Variants in LZTR1 observed in about 807,000 individuals in gnomAD.
LZTR1 encodes the protein leucine zipper like post translational regulator 1, also known as leucine-zipper-like transcriptional regulator 1.
A neutral mutation model predicts 105.7 loss-of-function variants in LZTR1; 260 were observed. That is an observed-to-expected ratio of 2.46 (90% CI 2.22 to 2.72). LZTR1 has a LOEUF of 2.72. Among genes scored for constraint, LZTR1 ranks in the 30% most tolerant of loss-of-function variants. The pLI is 0.00. For missense variants in LZTR1, 1,214 were observed against 1,166.9 expected (o/e 1.04, Z -0.59); for synonymous variants, 490 against 476.4 (o/e 1.03, Z -0.37).
At position 20,992,247 on chromosome 22, in the gene LZTR1, G is replaced by A; in HGVS notation, c.1027G>A (p.Ala343Thr). The change falls in exon 10 of 21, where the codon GCT (alanine) becomes ACT (threonine). Residue 343 changes from alanine (A) to threonine (T), a missense_variant. Physicochemically the swap from Ala to Thr is moderately conservative, Grantham distance 58 (BLOSUM62 0). Coordinates refer to ENST00000646124, the MANE Select transcript of LZTR1 (RefSeq NM_006767.4). Reference protein sequence around the residue: ...GGAEVPERACASEEVPTLTYE... With the variant: ...GGAEVPERACTSEEVPTLTYE... ...GGCTGAAGTGCCCGAGCGAGCCTGT[G>A]CTTCCGAGGAGGTGCCCACCCTGAC... 2 of 1,613,966 alleles carry A rather than the reference G, an allele frequency of 1.2e-6. No homozygotes were observed. Among genetic ancestry groups the A allele is most frequent in the Non-Finnish European group, 1.7e-6 (2 of 1,179,970 alleles).
In LZTR1 at chr22:20,996,112, T is replaced by TA; in HGVS notation, c.2219_2219+1insA (p.Tyr741LeufsTer41). 1 of 1,611,802 alleles carries TA rather than the reference T, an allele frequency of 6.2e-7. No individual in the cohort carries two copies. The highest frequency in any genetic ancestry group is 8.5e-7 in the Non-Finnish European group (1 of 1,179,752). On this transcript the variant is annotated frameshift_variant and splice_region_variant. Transcript: ENST00000646124. LOFTEE classifies it high-confidence loss of function. Reference sequence around the variant, plus strand: ...GTCAACATGCCGCCCGAGGACTCGCTGCATCCTCACTCCCCAGTGAACTCC... The same window carrying TA: ...GTCAACATGCCGCCCGAGGACTCGCTAGCATCCTCACTCCCCAGTGAACTCC...
chr22:20,993,630 C>T (rs781483979), intron 11 of LZTR1, 32 bp from the exon 12 acceptor site: 5 of 1,586,524 alleles, frequency 3.2e-6, no homozygotes. Context: ...CTGCTGTCTG[C>T]AACATCTAGT....
chr22:20,996,592 G>A, intron 18 of LZTR1, 104 bp from the exon 19 acceptor site: 2 of 848,880 alleles, frequency 2.4e-6, no homozygotes, highest in South Asian at 3.0e-5. Flanking sequence ...TGGAGAGCAT[G>A]CTGGCGTGGG....
chr22:20,983,316 G>T (rs1267508957), intron 2 of LZTR1, among the ~76,000 whole-genome samples: 1 of 152,242 alleles, frequency 6.6e-6, no homozygotes, highest in African/African-American at 2.4e-5. Context: ...GGTGGCACAT[G>T]CTCAGTATGT....
At position 20,995,042 on chromosome 22, in the gene LZTR1, C is replaced by T; in HGVS notation, c.1942+16C>T. 1 of 1,597,568 alleles carries T rather than the reference C, an allele frequency of 6.3e-7. No individual in the cohort carries two copies. The highest frequency in any genetic ancestry group is 8.5e-7 in the Non-Finnish European group (1 of 1,171,708). On this transcript the variant is annotated intron_variant, in intron 16 of 20. Transcript: ENST00000646124. ...GTGGACATTGGTAGGGAGCCCCGTT[C>T]CCCTTCCCTGGGGGCTGGGAGGGAT...
At position 20,994,949 on chromosome 22, in the gene LZTR1, C is replaced by T; in HGVS notation, c.1865C>T (p.Ser622Phe). The T allele has an allele frequency of 6.2e-7, 1 of 1,613,352 alleles. No homozygotes were observed. The highest frequency in any genetic ancestry group is 1.3e-5 in the African/African-American group (1 of 75,050). The change falls in exon 16 of 21, where the codon TCT (serine) becomes TTT (phenylalanine). Residue 622 changes from serine (S) to phenylalanine (F), a missense_variant. Transcript: ENST00000646124. ...ATGAAGGAGTTCGAGCGCCTCTCCT[C>T]TCCACTGATAGTGGAGATTGTGCGG... ...IMMKEFERLSSPLIVEIVRRK... is the reference protein window; with the variant it reads ...IMMKEFERLSFPLIVEIVRRK...
chr22:20,993,756 T>A lies in LZTR1; in HGVS notation c.1353+2T>A. ...GACGTGGAGTTCGTGCTGGGTGAGG[T>A]GGGTGCCTGTCCTCGCACCCTGCTC... On this transcript the variant is annotated splice_donor_variant, in intron 12 of 20. Transcript: ENST00000646124. LOFTEE classifies it high-confidence loss of function. 1 of 1,611,786 alleles carries A rather than the reference T, an allele frequency of 6.2e-7. No individual in the cohort carries two copies. Among genetic ancestry groups the A allele is most frequent in the Non-Finnish European group, 8.5e-7 (1 of 1,179,256 alleles).
Position 20,987,502 on chromosome 22 carries a change from A to C in LZTR1, c.321-2A>C, listed in dbSNP as rs1924435164. ...CTCTCACCACCCCTGTGCCCACCCCAGGGCCTTTACCACTGGGACCCCACC... is the reference window on the plus strand; with the variant it reads ...CTCTCACCACCCCTGTGCCCACCCCCGGGCCTTTACCACTGGGACCCCACC... On this transcript the variant is annotated splice_acceptor_variant, in intron 3 of 20. Transcript: ENST00000646124. LOFTEE classifies it high-confidence loss of function. 1 of 1,609,904 alleles carries C rather than the reference A, an allele frequency of 6.2e-7. No individual in the cohort carries two copies. Among genetic ancestry groups the C allele is most frequent in the Non-Finnish European group, 8.5e-7 (1 of 1,176,600 alleles).
chr22:20,987,632 G>A, intron 4 of LZTR1, 49 bp downstream of exon 4: 1 of 1,525,076 alleles, frequency 6.6e-7, no homozygotes, highest in Non-Finnish European at 9.1e-7. Flanking sequence ...GAGGCCCACA[G>A]ACACCCTGCC....
At chr22:20,996,423 T>C (rs1202119549) in intron 18 of LZTR1, 2 of 591,560 alleles carry the variant, frequency 3.4e-6, no homozygotes, top group East Asian at 2.8e-5. Context: ...GTCACTTCAG[T>C]AGGGGTCTGA....
Position 20,988,019 on chromosome 22 carries a change from C to A in LZTR1, c.410C>A (p.Thr137Asn), listed in dbSNP as rs146627447. The A allele has an allele frequency of 1.4e-4, 218 of 1,601,300 alleles. 1 individual carries two copies. The highest frequency in any genetic ancestry group is 1.8e-4 in the Non-Finnish European group (208 of 1,168,576). Reference protein sequence around the residue: ...GSSMFVFGGYTGDIYSNSNLK... With the variant: ...GSSMFVFGGYNGDIYSNSNLK... ...CACTCTCTTTACTCAGGGGGTTACA[C>A]TGGGGACATTTATTCCAATTCTAAC... Residue 137 changes from threonine (T) to asparagine (N), a missense_variant, in exon 5 of 21, where the codon ACT (threonine) becomes AAT (asparagine). Coordinates refer to ENST00000646124, the MANE Select transcript of LZTR1 (RefSeq NM_006767.4).
rs376248685 is a variant in LZTR1 at position 20,995,947 on chromosome 22, C to T, written c.2070-16C>T. ...GTTCTGCTGACGGCCAGGTGCCTAC[C>T]GCTCGTTGTCTGCAGCTACTTTGAA... On this transcript the variant is annotated splice_polypyrimidine_tract_variant and intron_variant, in intron 17 of 20. Coordinates refer to ENST00000646124, the MANE Select transcript of LZTR1 (RefSeq NM_006767.4). 46 of 1,613,536 alleles carry T rather than the reference C, an allele frequency of 2.9e-5. No homozygotes were observed. Among genetic ancestry groups the T allele is most frequent in the South Asian group, 2.5e-4 (23 of 91,082 alleles).
At chr22:20,995,713 G>A (rs1325942873) in intron 16 of LZTR1, 33 bp from the exon 17 acceptor site, 1 of 1,612,164 alleles carries the variant, frequency 6.2e-7, no homozygotes, top group Non-Finnish European at 8.5e-7. Flanking sequence ...AGAATCCCAG[G>A]CTGTACCTGC....
Position 20,983,063 on chromosome 22 carries a change from C to CA in LZTR1, c.238dup (p.Ile80AsnfsTer15), listed in dbSNP as rs1924256984. 5 of 1,613,964 alleles carry CA rather than the reference C, an allele frequency of 3.1e-6. No homozygotes were observed. The highest frequency in any genetic ancestry group is 4.2e-6 in the Non-Finnish European group (5 of 1,179,974). ...ACACAGTGGTGGCCTATAAAGATGC[C>CA]ATTTATGTATTTGGTGGAGACAATG... On this transcript the variant is annotated frameshift_variant, in exon 2 of 21. Transcript: ENST00000646124. LOFTEE classifies it high-confidence loss of function.
rs1198488737 is a variant in LZTR1, at chr22:20,997,288, A to C, written c.2463A>C (p.Ile821=). Residue 821 remains isoleucine (I), a synonymous_variant, in exon 21 of 21, where the codon ATA becomes ATC. Transcript: ENST00000646124. ...SLSQQLLLDI[I]DSLASHISDK... is the part of the protein sequence containing the mutation. ...GCCAGCAGCTGCTGCTGGACATCATAGACTCCCTGGCCTCCCACATCTCAG... is the reference window on the plus strand; with the variant it reads ...GCCAGCAGCTGCTGCTGGACATCATCGACTCCCTGGCCTCCCACATCTCAG... 2 of 1,613,838 alleles carry C rather than the reference A, an allele frequency of 1.2e-6. No homozygotes were observed. The highest frequency in any genetic ancestry group is 1.1e-5 in the South Asian group (1 of 91,082).
rs553579098 is a variant in LZTR1 at position 20,994,991 on chromosome 22, C to T, written c.1907C>T (p.Pro636Leu). 3.1e-6 allele frequency: 5 copies of T among 1,612,920 alleles called. No individual in the cohort carries two copies. In the East Asian group the frequency reaches 8.9e-5, roughly 29 times the overall value. Residue 636 changes from proline to leucine, a missense_variant, in exon 16 of 21, where the codon CCC (proline) becomes CTC (leucine). By Grantham distance (98) the Pro-to-Leu change is moderately conservative. Coordinates refer to ENST00000646124, the MANE Select transcript of LZTR1 (RefSeq NM_006767.4). Reference sequence around the variant, plus strand: ...ATTGTGCGGCGGAAGCAGCAGCCGCCCCCTCGCACTCCCTTGGACCAGCCA... The same window carrying T: ...ATTGTGCGGCGGAAGCAGCAGCCGCTCCCTCGCACTCCCTTGGACCAGCCA... ...VEIVRRKQQP[P>L]PRTPLDQPVD...
chr22:20,997,431 C>T lies in LZTR1; in HGVS notation c.*83C>T. On this transcript the variant is annotated 3_prime_UTR_variant, in exon 21 of 21. Coordinates refer to ENST00000646124, the MANE Select transcript of LZTR1 (RefSeq NM_006767.4). ...GAGAAGACTACCGGCTATGCGCATG[C>T]CTATGGCAGTGGGTGCACCTGCCAG... 1 of 1,053,016 alleles carries T rather than the reference C, an allele frequency of 9.5e-7. No individual in the cohort carries two copies. The highest frequency in any genetic ancestry group is 1.6e-5 in the African/African-American group (1 of 64,408). The allele number at this position is 1,053,016 out of a possible 1,614,324, so 65.2% of individuals were successfully genotyped here. A position where few individuals can be genotyped will look rare whatever the true frequency, so the allele number is the denominator to read the frequency against.
chr22:20,997,107 G>A (rs766300692), intron 20 of LZTR1, 125 bp from the exon 21 acceptor site: 55 of 1,114,952 alleles, frequency 4.9e-5, no homozygotes, highest in Non-Finnish European at 6.2e-5. Flanking sequence ...ATCACTGGCC[G>A]CACCTTGCTT....
In LZTR1 at chr22:20,997,283, A is replaced by C. The variant is rs1924898949; in HGVS notation, c.2458A>C (p.Ile820Leu). 6.2e-7 allele frequency: 1 copy of C among 1,613,894 alleles called. No homozygotes were observed. The highest frequency in any genetic ancestry group is 2.2e-5 in the East Asian group (1 of 44,864). The change falls in exon 21 of 21, where the codon ATC (isoleucine) becomes CTC (leucine). Residue 820 changes from isoleucine to leucine, a missense_variant. Ile to Leu is a conservative substitution (Grantham distance 5). Transcript: ENST00000646124. ...RSLSQQLLLD[I>L]IDSLASHISD... Reference sequence around the variant, plus strand: ...GCTGAGCCAGCAGCTGCTGCTGGACATCATAGACTCCCTGGCCTCCCACAT... The same window carrying C: ...GCTGAGCCAGCAGCTGCTGCTGGACCTCATAGACTCCCTGGCCTCCCACAT...
Sources: gnomAD v4.1 joint callset for allele counts (sites outside exome capture counted in the v4.1 genomes callset) on GRCh38, gnomAD v4.1.1 for gene constraint, MANE v1.5 for transcripts, NCBI Gene and HGNC (gene_info 2026-07-23, HGNC 2026-07-21) for gene names.